The following RSRC1 variants were observed in gnomAD, a reference collection of about 807,000 sequenced individuals.
The protein encoded by RSRC1 is arginine and serine rich coiled-coil 1, also known as serine/Arginine-related protein 53.
In RSRC1, 39 loss-of-function variants were observed where a neutral mutation model predicts 49.1. That is an observed-to-expected ratio of 0.79 (90% confidence interval 0.61 to 1.04). The LOEUF (loss-of-function observed/expected upper bound fraction) is 1.04, where lower values mean the gene tolerates loss of function less well. RSRC1 is among the 50% of genes least tolerant of loss of function. RSRC1 has a pLI of 0.00. For synonymous variants in RSRC1, 143 were observed against 130.8 expected (o/e 1.09, Z -0.63); for missense variants, 388 against 402.4 (o/e 0.96, Z 0.31).
chr3:158,388,098 T>G (rs956631383), intron 6 of RSRC1, among the ~76,000 whole-genome samples: 4 of 152,002 alleles, frequency 2.6e-5, no homozygotes, highest in African/African-American at 9.7e-5. Context: ...AATATTCCAG[T>G]TGTTGATCTT....
intron 4 of RSRC1, among the ~76,000 whole-genome samples, chr3:158,258,529 T>A (rs1724703816): frequency 1.3e-5 from 2 of 152,112 alleles, no homozygotes; most frequent in Admixed American, 6.5e-5. Context: ...AGGTAGTCTA[T>A]GGGTTAAATC....
Position 158,183,759 on chromosome 3 carries a change from TA to T in RSRC1, c.321-19306del, listed in dbSNP as rs899815646. Among the ~76,000 whole-genome samples the T allele has an allele frequency of 2.6e-5, 4 of 151,514 alleles. No individual in the cohort carries two copies. The South Asian group carries it at 6.3e-4, about 24-fold the overall frequency. Reference sequence around the variant, plus strand: ...TAGTGAGACCCCATCTCTCCAAAAATAAAAAAATTAGTTGGGCATGGTGGCA... The same window carrying T: ...TAGTGAGACCCCATCTCTCCAAAAATAAAAAATTAGTTGGGCATGGTGGCA... On this transcript the variant is annotated intron_variant, in intron 3 of 9. Coordinates refer to ENST00000611884, the MANE Select transcript of RSRC1 (RefSeq NM_001271838.2).
chr3:158,270,071 A>C (rs1457301964), intron 4 of RSRC1, among the ~76,000 whole-genome samples: 1 of 152,096 alleles, frequency 6.6e-6, no homozygotes, highest in Non-Finnish European at 1.5e-5. Flanking sequence ...AACTGCATAC[A>C]TGATTCAAGA....
intron 6 of RSRC1, among the ~76,000 whole-genome samples, chr3:158,379,192 C>CTTTTT (rs768767131): frequency 2.1e-5 from 2 of 93,896 alleles, no homozygotes; most frequent in African/African-American, 4.1e-5. Context: ...AGAAATACCA[C>CTTTTT]TTTTTTTTTT....
At chr3:158,481,461 A>G (rs1738613903) in intron 7 of RSRC1, among the ~76,000 whole-genome samples, 1 of 152,128 alleles carries the variant, frequency 6.6e-6, no homozygotes, top group South Asian at 2.1e-4. Context: ...ACACAAGAGA[A>G]CAGAAACTAT....
chr3:158,334,170 A>G (rs955837508), intron 5 of RSRC1, among the ~76,000 whole-genome samples: 5 of 152,172 alleles, frequency 3.3e-5, no homozygotes, highest in Non-Finnish European at 7.4e-5. Context: ...AGGGTTTAAA[A>G]CTATATAAAG....
At chr3:158,347,371 C>G (rs556405855) in intron 5 of RSRC1, among the ~76,000 whole-genome samples, 7 of 152,208 alleles carry the variant, frequency 4.6e-5, no homozygotes, top group African/African-American at 1.7e-4. Flanking sequence ...GCACCATTTC[C>G]CTATGAGATG....
chr3:158,217,765 T>TGGGGGG (rs3052855), intron 4 of RSRC1, among the ~76,000 whole-genome samples: 1 of 141,338 alleles, frequency 7.1e-6, no homozygotes, highest in African/African-American at 2.7e-5. Context: ...TGTGTGTGTG[T>TGGGGGG]GGGGGGGGAA....
At chr3:158,517,707 A>G (rs572486248) in intron 7 of RSRC1, among the ~76,000 whole-genome samples, 13 of 144,484 alleles carry the variant, frequency 9.0e-5, no homozygotes, top group African/African-American at 2.8e-4. Context: ...ATCCACCTCA[A>G]CTTCCCAAAG....
At chr3:158,187,612 G>A (rs1016871083) in intron 3 of RSRC1, among the ~76,000 whole-genome samples, 6 of 152,008 alleles carry the variant, frequency 3.9e-5, no homozygotes, top group African/African-American at 9.7e-5. Flanking sequence ...AGAGGCTTGA[G>A]CCTCTGCCTC....
chr3:158,459,964 A>G (rs1737530822), intron 6 of RSRC1, among the ~76,000 whole-genome samples: 1 of 151,970 alleles, frequency 6.6e-6, no homozygotes, highest in East Asian at 1.9e-4. Flanking sequence ...ATACTTCTAA[A>G]GGATGTGTTG....
intron 3 of RSRC1, among the ~76,000 whole-genome samples, chr3:158,149,784 C>G (rs1036629352): frequency 6.6e-6 from 1 of 152,056 alleles, no homozygotes; most frequent in Non-Finnish European, 1.5e-5. Context: ...AAGTAACTAC[C>G]ATGTCTATTT....
intron 4 of RSRC1, among the ~76,000 whole-genome samples, chr3:158,234,576 GT>G (rs1723138207): frequency 7.3e-6 from 1 of 136,860 alleles, no homozygotes; most frequent in African/African-American, 2.8e-5. Flanking sequence ...TCTTAGTATA[GT>G]TTTTGTTGTT....
rs538603268 is a variant in RSRC1, at chr3:158,285,528, G to A, written c.495-12511G>A. Reference sequence around the variant, plus strand: ...ATTGATTCTTCCTACCCATGAGCATGGAATGTTCTTCCATTTCTTTGTATC... The same window carrying A: ...ATTGATTCTTCCTACCCATGAGCATAGAATGTTCTTCCATTTCTTTGTATC... On this transcript the variant is annotated intron_variant, in intron 4 of 9. Coordinates refer to ENST00000611884, the MANE Select transcript of RSRC1 (RefSeq NM_001271838.2). Among the ~76,000 whole-genome samples, 25 of 152,252 alleles carry A rather than the reference G, an allele frequency of 1.6e-4. No homozygotes were observed. The East Asian group carries it at 4.6e-3, about 28-fold the overall frequency.
chr3:158,134,287 C>G lies in RSRC1; in HGVS notation c.320+10296C>G, dbSNP rs193216499. ...ACAGTAGTTTTAGCTTCATTTTTTC[C>G]TAGCTAATTATTATACCGTGTATTT... On this transcript the variant is annotated intron_variant, in intron 3 of 9. Transcript: ENST00000611884. Among the ~76,000 whole-genome samples the G allele has an allele frequency of 3.7e-3, 557 of 152,114 alleles. 4 individuals carry two copies. Among genetic ancestry groups the G allele is most frequent in the East Asian group, 7.5e-3 (39 of 5,174 alleles).
At chr3:158,112,552 GATTA>G (rs1207350791) in intron 1 of RSRC1, among the ~76,000 whole-genome samples, 5 of 152,192 alleles carry the variant, frequency 3.3e-5, no homozygotes, top group African/African-American at 9.6e-5. Flanking sequence ...CTTTTATTGG[GATTA>G]ATTATATTTC....
At chr3:158,355,003 A>C (rs566894425) in intron 6 of RSRC1, 95 bp downstream of exon 6, 1 of 726,646 alleles carries the variant, frequency 1.4e-6, no homozygotes, top group South Asian at 2.4e-5. Context: ...AAAAAACACT[A>C]TTTTTATATA....
chr3:158,332,348 T>A (rs1729595492), intron 5 of RSRC1, among the ~76,000 whole-genome samples: 1 of 152,168 alleles, frequency 6.6e-6, no homozygotes, highest in East Asian at 1.9e-4. Context: ...TCTATATCAT[T>A]TTCACTTATT....
chr3:158,147,222 A>G (rs1250166937), intron 3 of RSRC1, among the ~76,000 whole-genome samples: 1 of 136,866 alleles, frequency 7.3e-6, no homozygotes, highest in East Asian at 2.3e-4. Context: ...AAATTTTCTT[A>G]TATCACATAA....
Sources: allele counts gnomAD v4.1 joint callset (sites outside exome capture counted in the v4.1 genomes callset), GRCh38; gene constraint gnomAD v4.1.1; transcripts MANE v1.5; gene names NCBI Gene and HGNC (gene_info 2026-07-23, HGNC 2026-07-21).